Variants in NTAN1 observed in about 807,000 individuals in gnomAD.
The protein encoded by NTAN1 is protein N-terminal asparagine amidohydrolase.
Under a neutral mutation model 41.9 loss-of-function variants are expected in NTAN1, and 32 were observed. The ratio of observed to expected loss-of-function variants is 0.76; its 90% confidence interval spans 0.58 to 1.03. The LOEUF (loss-of-function observed/expected upper bound fraction) is 1.03. Among genes scored for constraint, NTAN1 ranks in the 50% least tolerant of loss-of-function variants. NTAN1 has a pLI of 0.00. For synonymous variants in NTAN1, 140 were observed against 139.5 expected (o/e 1.00, Z -0.03); for missense variants, 377 against 377.5 (o/e 1.00, Z 0.01).
intron 4 of NTAN1, 184 bp from the exon 5 acceptor site, chr16:15,044,591 G>A (rs1426944631): frequency 3.3e-6 from 2 of 598,252 alleles, no homozygotes; most frequent in Non-Finnish European, 3.0e-6. Flanking sequence ...GCGAGCTTCT[G>A]GGGACCCTGC....
chr16:15,047,402 C>G, intron 4 of NTAN1, 40 bp downstream of exon 4: 1 of 1,329,006 alleles, frequency 7.5e-7, no homozygotes, highest in Non-Finnish European at 1.1e-6. Context: ...GCGACGGTTC[C>G]AAGATCTCAA....
intron 7 of NTAN1, 82 bp downstream of exon 7, chr16:15,040,986 G>C: frequency 1.1e-6 from 1 of 932,982 alleles, no homozygotes; most frequent in Non-Finnish European, 1.8e-6. Flanking sequence ...CCTGACAGCA[G>C]TGGGGTCATT....
intron 1 of NTAN1, 150 bp downstream of exon 1, chr16:15,055,741 C>A: frequency 2.5e-6 from 1 of 402,764 alleles, no homozygotes; most frequent in Non-Finnish European, 4.2e-6. Context: ...ACTCCCCGAC[C>A]CCTCAAGGGG....
At chr16:15,038,268 T>TAAAG in intron 9 of NTAN1, 58 bp from the exon 10 acceptor site, 1 of 1,206,588 alleles carries the variant, frequency 8.3e-7, no homozygotes, top group Non-Finnish European at 1.2e-6. Context: ...CCTGCTGTGA[T>TAAAG]AAAGATGTCA....
rs1024848000 is a variant in NTAN1, at chr16:15,056,061, G to A, written c.-90C>T. Reference sequence around the variant, plus strand: ...GCCCGCCGCCCCCGCCCCTCGGGCCGCGCGTCCCGCCTCGTCCTGCCCCGC... The same window carrying A: ...GCCCGCCGCCCCCGCCCCTCGGGCCACGCGTCCCGCCTCGTCCTGCCCCGC... On this transcript the variant is annotated 5_prime_UTR_variant, in exon 1 of 10. Transcript: ENST00000287706. 5.7e-5 allele frequency: 27 copies of A among 477,800 alleles called. No homozygotes were observed. The highest frequency in any genetic ancestry group is 6.8e-5 in the Non-Finnish European group (24 of 355,096). The allele number at this position is 477,800 out of a possible 1,614,324, so 29.6% of individuals were successfully genotyped here.
intron 1 of NTAN1, chr16:15,055,624 G>A: frequency 3.1e-6 from 1 of 327,306 alleles, no homozygotes. Context: ...CCGAGCCGCA[G>A]TGCTGTGCGA....
At chr16:15,054,878 AC>A (rs1314075257) in intron 1 of NTAN1, among the ~76,000 whole-genome samples, 1 of 152,210 alleles carries the variant, frequency 6.6e-6, no homozygotes, top group Non-Finnish European at 1.5e-5. Flanking sequence ...TACAGCTGTG[AC>A]AGATGAAACC....
intron 1 of NTAN1, among the ~76,000 whole-genome samples, chr16:15,054,786 A>ACTCT (rs2044436829): frequency 6.6e-6 from 1 of 152,090 alleles, no homozygotes; most frequent in African/African-American, 2.4e-5. Context: ...TGAGGACACT[A>ACTCT]CTCTTATCTG....
chr16:15,041,457 C>G (rs1039827949), intron 6 of NTAN1, among the ~76,000 whole-genome samples, 166 bp downstream of exon 6: 1 of 151,930 alleles, frequency 6.6e-6, no homozygotes, highest in African/African-American at 2.4e-5. Flanking sequence ...AGATGGTGGA[C>G]GAGGGCAAGG....
intron 5 of NTAN1, among the ~76,000 whole-genome samples, chr16:15,043,630 TTTTC>T (rs969520803): frequency 1.1e-4 from 16 of 152,108 alleles, no homozygotes; most frequent in Middle Eastern, 3.2e-3. Context: ...CACGACAATG[TTTTC>T]TTTCTTTCTT....
intron 1 of NTAN1, among the ~76,000 whole-genome samples, chr16:15,054,638 G>A (rs1321772823): frequency 6.6e-6 from 1 of 152,178 alleles, no homozygotes; most frequent in African/African-American, 2.4e-5. Context: ...AGAGCTGTCT[G>A]CCTTCTCCCC....
intron 5 of NTAN1, among the ~76,000 whole-genome samples, chr16:15,043,994 TATC>T (rs912284934): frequency 6.6e-5 from 10 of 152,266 alleles, no homozygotes; most frequent in Admixed American, 2.6e-4. Flanking sequence ...GAAAAAATGG[TATC>T]ATCAGTGTTT....
At chr16:15,043,654 T>C (rs981249373) in intron 5 of NTAN1, among the ~76,000 whole-genome samples, 2 of 152,106 alleles carry the variant, frequency 1.3e-5, no homozygotes, top group African/African-American at 4.8e-5. Flanking sequence ...TTTTTGAAAA[T>C]ATTTGCTAAT....
At chr16:15,040,111 G>A in intron 7 of NTAN1, 45 bp from the exon 8 acceptor site, 1 of 1,094,334 alleles carries the variant, frequency 9.1e-7, no homozygotes. Context: ...AAAGACCAAA[G>A]CGGAAAGTCT....
At chr16:15,038,418 T>C in intron 9 of NTAN1, 156 bp downstream of exon 9, 1 of 624,380 alleles carries the variant, frequency 1.6e-6, no homozygotes, top group Non-Finnish European at 2.8e-6. Context: ...TATCCCCATT[T>C]GATATACAAG....
At chr16:15,043,965 GA>G (rs1282995575) in intron 5 of NTAN1, among the ~76,000 whole-genome samples, 1 of 151,892 alleles carries the variant, frequency 6.6e-6, no homozygotes, top group Non-Finnish European at 1.5e-5. Context: ...GAAAAAAAAA[GA>G]AAAAATTTGC....
rs1336192170 is a variant in NTAN1, at chr16:15,038,341, G to GAATT, written c.754-135_754-132dup. 2.2e-5 allele frequency: 15 copies of GAATT among 682,594 alleles called. No homozygotes were observed. In the African/African-American group the frequency reaches 2.6e-4, roughly 12 times the overall value. 42.3% of individuals were successfully genotyped at this position (682,594 alleles called of 1,614,324 possible). A position where few individuals can be genotyped will look rare whatever the true frequency, so the allele number is the denominator to read the frequency against. On this transcript the variant is annotated intron_variant, in intron 9 of 9. Transcript: ENST00000287706. ...AATACGTTAAGAAATGAGGTGGCCT[G>GAATT]AATTAGTAAGAAAAAAGTTGATTGC...
chr16:15,038,247 C>A, intron 9 of NTAN1, 37 bp from the exon 10 acceptor site: 4 of 1,464,260 alleles, frequency 2.7e-6, no homozygotes, highest in Non-Finnish European at 3.8e-6. Context: ...GAGAAGCCAA[C>A]CTTACTGTCC....
intron 9 of NTAN1, 78 bp downstream of exon 9, chr16:15,038,496 G>T: frequency 1.2e-6 from 1 of 841,598 alleles, no homozygotes; most frequent in Non-Finnish European, 2.0e-6. Context: ...CTATGACCTG[G>T]TCTAAACCCT....
Sources: allele counts gnomAD v4.1 joint callset (sites outside exome capture counted in the v4.1 genomes callset), GRCh38; gene constraint gnomAD v4.1.1; transcripts MANE v1.5; gene names NCBI Gene and HGNC (gene_info 2026-07-23, HGNC 2026-07-21).